Variants in DAB1 observed in about 807,000 individuals in gnomAD.
DAB1 encodes DAB adaptor protein 1.
A neutral mutation model predicts 64.6 loss-of-function variants in DAB1; 15 were observed. The observed-to-expected ratio is 0.23, with a 90% CI of 0.16 to 0.36. DAB1 has a LOEUF of 0.36. Ranked by LOEUF, DAB1 falls within the 10% of genes least tolerant of loss-of-function variation. The probability of loss-of-function intolerance (pLI) is 1.00; values close to 1 mark genes in which losing one functional copy is unlikely to be tolerated. For synonymous variants in DAB1, 235 were observed against 251.9 expected, an observed-to-expected ratio of 0.93 and a Z score of 0.64; for missense variants, 596 against 706.7, an observed-to-expected ratio of 0.84 and a Z score of 1.78.
intron 1 of DAB1, among the ~76,000 whole-genome samples, chr1:57,406,347 G>A (rs531762773): frequency 5.3e-5 from 8 of 152,016 alleles, no homozygotes; most frequent in Non-Finnish European, 1.0e-4. Flanking sequence ...TTTTTACTTC[G>A]ACAAATATCT....
At chr1:57,271,555 A>T (rs1671001981) in intron 2 of DAB1, among the ~76,000 whole-genome samples, 1 of 152,200 alleles carries the variant, frequency 6.6e-6, no homozygotes, top group Non-Finnish European at 1.5e-5. Context: ...AGGGTTGGTG[A>T]AGAACTGGTT....
At chr1:57,536,206 C>T (rs1644725259) in intron 7 of DAB1, among the ~76,000 whole-genome samples, 1 of 152,186 alleles carries the variant, frequency 6.6e-6, no homozygotes, top group Admixed American at 6.5e-5. Context: ...CAAAATATAT[C>T]ACACAGACCC....
chr1:57,324,954 G>A (rs1277202840), intron 1 of DAB1, among the ~76,000 whole-genome samples: 2 of 152,238 alleles, frequency 1.3e-5, no homozygotes, highest in Non-Finnish European at 2.9e-5. Flanking sequence ...AAGAGCCAGG[G>A]TGGATGCTTT....
At chr1:57,324,250 C>T (rs760085778) in intron 1 of DAB1, among the ~76,000 whole-genome samples, 25 of 152,262 alleles carry the variant, frequency 1.6e-4, no homozygotes, top group Admixed American at 4.6e-4. Context: ...GAGGAGGAGT[C>T]GGGATGCTCA....
intron 1 of DAB1, among the ~76,000 whole-genome samples, chr1:57,320,871 C>T (rs1675657505): frequency 6.6e-6 from 1 of 152,070 alleles, no homozygotes; most frequent in African/African-American, 2.4e-5. Flanking sequence ...ATAAATTGCC[C>T]CAGGTTACAG....
intron 1 of DAB1, among the ~76,000 whole-genome samples, chr1:58,532,979 A>G (rs923630311): frequency 6.6e-6 from 1 of 152,368 alleles, no homozygotes; most frequent in Non-Finnish European, 1.5e-5. Context: ...GATTAGAATC[A>G]TTATCATTTC....
At chr1:58,343,974 T>C (rs894157525) in intron 3 of DAB1, among the ~76,000 whole-genome samples, 3 of 152,308 alleles carry the variant, frequency 2.0e-5, no homozygotes, top group South Asian at 4.1e-4. Flanking sequence ...CTTGTCACTG[T>C]ACCTGACATA....
chr1:57,197,417 G>T (rs505920), intron 2 of DAB1, among the ~76,000 whole-genome samples: 74,048 of 151,450 alleles, frequency 0.49, 18,594 homozygotes, highest in African/African-American at 0.58. Context: ...TTTTAACTAT[G>T]AACAACAGCT....
intron 6 of DAB1, among the ~76,000 whole-genome samples, chr1:57,695,373 A>AAAG (rs1557427808): frequency 1.6e-3 from 85 of 53,610 alleles, no homozygotes; most frequent in Middle Eastern, 7.9e-3. Flanking sequence ...AGAAAGAAAG[A>AAAG]AAGAAAGAAA....
intron 2 of DAB1, among the ~76,000 whole-genome samples, chr1:57,148,261 G>C (rs1397495881): frequency 6.6e-6 from 1 of 152,184 alleles, no homozygotes; most frequent in Non-Finnish European, 1.5e-5. Flanking sequence ...AGCCATAGCA[G>C]GTGAACAAGG....
intron 7 of DAB1, among the ~76,000 whole-genome samples, chr1:57,469,410 A>G (rs904353076): frequency 6.6e-6 from 1 of 152,164 alleles, no homozygotes; most frequent in African/African-American, 2.4e-5. Context: ...AAAAAGGAGA[A>G]AAAAGTTGGG....
intron 5 of DAB1, among the ~76,000 whole-genome samples, chr1:57,978,666 A>G (rs1209459): frequency 0.8 from 121,063 of 152,070 alleles, 49,825 homozygotes; most frequent in Middle Eastern, 0.91. Flanking sequence ...CAATCTATCC[A>G]TCTGACAAAG....
At chr1:57,345,323 T>A (rs1300556005) in intron 1 of DAB1, among the ~76,000 whole-genome samples, 2 of 152,184 alleles carry the variant, frequency 1.3e-5, no homozygotes, top group Non-Finnish European at 2.9e-5. Flanking sequence ...TGGTTTGGGA[T>A]GAACTAACAT....
intron 4 of DAB1, among the ~76,000 whole-genome samples, chr1:58,210,137 A>G (rs1658482185): frequency 6.6e-6 from 1 of 152,200 alleles, no homozygotes; most frequent in Admixed American, 6.5e-5. Context: ...TTTTTACACG[A>G]ATTTTTAAAA....
intron 7 of DAB1, among the ~76,000 whole-genome samples, chr1:57,497,210 T>A (rs1399310529): frequency 6.6e-6 from 1 of 152,238 alleles, no homozygotes; most frequent in Non-Finnish European, 1.5e-5. Context: ...CTCAATCCCC[T>A]TGCTCTACTA....
chr1:57,697,509 A>C (rs551932886), intron 6 of DAB1, among the ~76,000 whole-genome samples: 11 of 151,354 alleles, frequency 7.3e-5, no homozygotes, highest in Non-Finnish European at 1.3e-4. Context: ...TTTAATTAGC[A>C]TTGCTCATTG....
At chr1:58,443,205 C>T (rs1645031781) in intron 3 of DAB1, among the ~76,000 whole-genome samples, 1 of 152,172 alleles carries the variant, frequency 6.6e-6, no homozygotes, top group African/African-American at 2.4e-5. Flanking sequence ...CATGCTTTTC[C>T]CTCATACCAT....
intron 6 of DAB1, among the ~76,000 whole-genome samples, chr1:57,812,443 G>A (rs1164159920): frequency 1.3e-5 from 2 of 152,106 alleles, no homozygotes; most frequent in African/African-American, 4.8e-5. Flanking sequence ...AGAATTATAT[G>A]CTTCCCTTGA....
chr1:58,443,129 T>C (rs1463811002), intron 3 of DAB1, among the ~76,000 whole-genome samples: 1 of 152,170 alleles, frequency 6.6e-6, no homozygotes, highest in Admixed American at 6.5e-5. Flanking sequence ...CCACTTCCTG[T>C]TCCTCCTTAG....
Sources: allele counts gnomAD v4.1 joint callset (sites outside exome capture counted in the v4.1 genomes callset), GRCh38; gene constraint gnomAD v4.1.1; transcripts MANE v1.5; gene names NCBI Gene and HGNC (gene_info 2026-07-23, HGNC 2026-07-21).